Variants in ATG4A observed in about 807,000 individuals in gnomAD.
ATG4A encodes autophagy related 4A cysteine peptidase, also known as cysteine protease ATG4A.
A neutral mutation model predicts 38.4 loss-of-function variants in ATG4A; 22 were observed. The observed-to-expected ratio is 0.57, with a 90% CI of 0.41 to 0.82. ATG4A has a LOEUF of 0.82. Among genes scored for constraint, ATG4A ranks in the 40% least tolerant of loss-of-function variants. The pLI is 0.00. For synonymous variants in ATG4A, 86 were observed against 100.7 expected, an observed-to-expected ratio of 0.85 and a Z score of 0.88; for missense variants, 220 against 290.0, an observed-to-expected ratio of 0.76 and a Z score of 1.75.
chrX:108,129,601 C>T (rs1178619116), intron 3 of ATG4A, among the ~76,000 whole-genome samples: 9 of 99,255 alleles, frequency 9.1e-5, no homozygotes, highest in Non-Finnish European at 1.4e-4. Context: ...GACGGAGTCT[C>T]GCACTGTCAC....
intron 1 of ATG4A, 189 bp downstream of exon 1, chrX:108,092,025 C>T: frequency 1.4e-6 from 1 of 709,979 alleles, no homozygotes; most frequent in Middle Eastern, 4.9e-4. Context: ...GAGCTGAGTA[C>T]TACCTACTGA....
At chrX:108,135,482 G>A (rs1333401762) in intron 6 of ATG4A, among the ~76,000 whole-genome samples, 1 of 111,614 alleles carries the variant, frequency 9.0e-6, no homozygotes, top group Non-Finnish European at 1.9e-5. Flanking sequence ...ACAGTGGCCT[G>A]GATTTTTTGG....
chrX:108,133,291 C>A (rs1255107935), intron 4 of ATG4A, among the ~76,000 whole-genome samples: 1 of 112,450 alleles, frequency 8.9e-6, no homozygotes, highest in East Asian at 2.8e-4. Context: ...GACAGCGTTT[C>A]TAGAGCTGAG....
intron 9 of ATG4A, among the ~76,000 whole-genome samples, chrX:108,144,389 G>A (rs2033375247): frequency 8.9e-6 from 1 of 112,625 alleles, no homozygotes; most frequent in Non-Finnish European, 1.9e-5. Flanking sequence ...CCACCAGGTA[G>A]CTGGCTGATC....
intron 4 of ATG4A, among the ~76,000 whole-genome samples, chrX:108,132,443 A>G (rs1434808910): frequency 1.8e-5 from 2 of 111,834 alleles, no homozygotes; most frequent in Non-Finnish European, 3.8e-5. Context: ...AAACTCACAG[A>G]TTTTGCTACA....
chrX:108,089,773 C>T (rs2031544618), upstream of ATG4A, among the ~76,000 whole-genome samples: 1 of 111,004 alleles, frequency 9.0e-6, no homozygotes, highest in African/African-American at 3.3e-5. Context: ...GCAGAGGTTG[C>T]AGTGAGGTGA....
intron 12 of ATG4A, 42 bp from the exon 13 acceptor site, chrX:108,153,598 CAA>C: frequency 9.2e-7 from 1 of 1,082,548 alleles, no homozygotes; most frequent in Non-Finnish European, 1.3e-6. Context: ...CACTTCAACC[CAA>C]GTGTCAAGCT....
At chrX:108,128,881 T>G (rs946005013) in intron 3 of ATG4A, 29 bp downstream of exon 3, 90 of 1,049,705 alleles carry the variant, frequency 8.6e-5, no homozygotes, top group Non-Finnish European at 1.1e-4. Flanking sequence ...TTACTGTGCT[T>G]TATTCCTTGT....
At chrX:108,148,020 AAT>A (rs60886281) in intron 9 of ATG4A, among the ~76,000 whole-genome samples, 74 of 79,809 alleles carry the variant, frequency 9.3e-4, no homozygotes, top group Non-Finnish European at 1.3e-3. Flanking sequence ...ACTAATGGAA[AAT>A]ATATATATAT....
rs764367309 is a variant in ATG4A, at chrX:108,149,796, C to A, written c.815-356C>A. Among the ~76,000 whole-genome samples the A allele has an allele frequency of 3.6e-5, 4 of 112,331 alleles. No individual in the cohort carries two copies. In the East Asian group the frequency reaches 1.1e-3, roughly 31 times the overall value. ...AGAGGCAGAAAGCTCCCTAATGGTA[C>A]CTGGGCCCACGACCTGGTGACTCCA... On this transcript the variant is annotated intron_variant, in intron 9 of 12. Transcript: ENST00000372232.
chrX:108,143,005 A>G (rs916156200), intron 9 of ATG4A, among the ~76,000 whole-genome samples: 3 of 112,054 alleles, frequency 2.7e-5, no homozygotes, highest in South Asian at 3.7e-4. Flanking sequence ...TTTGCCTAAC[A>G]TAATACAACT....
intron 9 of ATG4A, among the ~76,000 whole-genome samples, chrX:108,139,733 C>T (rs2033189114): frequency 8.9e-6 from 1 of 112,289 alleles, no homozygotes; most frequent in Non-Finnish European, 1.9e-5. Context: ...GCGGCTATAA[C>T]AGAATAGTAT....
rs770247448 is a variant in ATG4A at position 108,137,937 on chromosome X, G to A, written c.681G>A (p.Val227=). 1.6e-5 allele frequency: 19 copies of A among 1,203,634 alleles called. No individual in the cohort carries two copies. The Admixed American group carries it at 4.2e-4, about 27-fold the overall frequency. ...CCTGGAAACCCCTGCTGCTCATTGT[G>A]CCCCTTCGCCTGGGCATAAACCAAA... The part of the protein sequence containing the change: ...CSAWKPLLLI[V]PLRLGINQIN... The change falls in exon 8 of 13, where the codon GTG becomes GTA. Residue 227 remains valine (V), a synonymous_variant. Transcript: ENST00000372232.
At chrX:108,121,996 G>T (rs1402861004) in intron 1 of ATG4A, among the ~76,000 whole-genome samples, 1 of 112,138 alleles carries the variant, frequency 8.9e-6, no homozygotes, top group African/African-American at 3.2e-5. Flanking sequence ...CTGGCATGCT[G>T]TTAGAATTGA....
chrX:108,090,611 TG>T (rs761510891), upstream of ATG4A, among the ~76,000 whole-genome samples: 199 of 112,035 alleles, frequency 1.8e-3, no homozygotes, highest in Non-Finnish European at 3.1e-3. Context: ...TCTGTAAGTA[TG>T]GGACAGTCTC....
At chrX:108,142,149 G>T (rs2033313163) in intron 9 of ATG4A, among the ~76,000 whole-genome samples, 1 of 111,817 alleles carries the variant, frequency 8.9e-6, no homozygotes, top group East Asian at 2.8e-4. Context: ...GCTCACACTT[G>T]TAATCCCAGC....
intron 1 of ATG4A, among the ~76,000 whole-genome samples, chrX:108,110,106 C>T (rs2032313084): frequency 9.5e-6 from 1 of 105,393 alleles, no homozygotes; most frequent in Non-Finnish European, 1.9e-5. Context: ...GTATGTGGCT[C>T]AGAGCTGTAA....
At position 108,126,206 on chromosome X, in the gene ATG4A, T is replaced by C. The variant is rs1242529192; in HGVS notation, c.121+19T>C. Reference sequence around the variant, plus strand: ...AAAACAGGTAAGATTTGGTAGCATTTGTCTGTAAGAACCCAGATGAGGTAG... The same window carrying C: ...AAAACAGGTAAGATTTGGTAGCATTCGTCTGTAAGAACCCAGATGAGGTAG... On this transcript the variant is annotated intron_variant, in intron 2 of 12. Coordinates refer to ENST00000372232, the MANE Select transcript of ATG4A (RefSeq NM_052936.5). 1 of 1,133,263 alleles carries C rather than the reference T, an allele frequency of 8.8e-7. No individual in the cohort carries two copies. Among genetic ancestry groups the C allele is most frequent in the Admixed American group, 2.2e-5 (1 of 45,347 alleles). The allele number at this position is 1,133,263 out of a possible 1,213,427, so 93.4% of individuals were successfully genotyped here. A position where few individuals can be genotyped will look rare whatever the true frequency, so the allele number is the denominator to read the frequency against.
chrX:108,148,100 A>G (rs1368366392), intron 9 of ATG4A, among the ~76,000 whole-genome samples: 6 of 91,245 alleles, frequency 6.6e-5, no homozygotes, highest in African/African-American at 2.4e-4. Flanking sequence ...ATTAACTCAC[A>G]TGATCACAAG....
Sources: allele counts gnomAD v4.1 joint callset (sites outside exome capture counted in the v4.1 genomes callset), GRCh38; gene constraint gnomAD v4.1.1; transcripts MANE v1.5; gene names NCBI Gene and HGNC (gene_info 2026-07-23, HGNC 2026-07-21).